The following MYO1D variants were observed in gnomAD, a reference collection of about 807,000 sequenced individuals.
MYO1D encodes myosin ID, also known as unconventional myosin-Id.
MYO1D carries 83 observed loss-of-function variants against 122.0 expected under a neutral mutation model. That is an observed-to-expected ratio of 0.68 (90% CI 0.57 to 0.82). The LOEUF (loss-of-function observed/expected upper bound fraction) is 0.82, where lower values mean the gene tolerates loss of function less well. Ranked by LOEUF, MYO1D falls within the 40% of genes least tolerant of loss-of-function variation. The pLI, the probability that MYO1D is intolerant of heterozygous loss-of-function variation, is 0.00. For missense variants in MYO1D, 1,157 were observed against 1,269.5 expected (o/e 0.91, Z 1.35); for synonymous variants, 464 against 446.9 (o/e 1.04, Z -0.48).
intron 21 of MYO1D, among the ~76,000 whole-genome samples, chr17:32,496,514 T>G (rs1597856123): frequency 1.3e-5 from 2 of 152,198 alleles, no homozygotes; most frequent in African/African-American, 4.8e-5. Context: ...CCTCTTCTAC[T>G]CTTGTGGGCA....
In MYO1D at chr17:32,721,009, G is replaced by A. The variant is rs1036831314; in HGVS notation, c.1913+14C>T. On this transcript the variant is annotated intron_variant, in intron 15 of 21. Transcript: ENST00000318217. The stretch of plus-strand genomic sequence containing the variant: ...TCTCAGTGAACTAGGCCTCTCTGAC[G>A]AGTCTATTCTCACCTGTGAAGAAAC... The A allele has an allele frequency of 4.4e-6, 7 of 1,609,166 alleles. No individual in the cohort carries two copies. Among genetic ancestry groups the A allele is most frequent in the Middle Eastern group, 1.7e-4 (1 of 6,034 alleles).
At chr17:32,691,430 G>A (rs2089098858) in intron 16 of MYO1D, among the ~76,000 whole-genome samples, 2 of 124,864 alleles carry the variant, frequency 1.6e-5, no homozygotes, top group African/African-American at 3.2e-5. Flanking sequence ...TTTTTGAGAT[G>A]GAGTCTTACT....
At chr17:32,679,581 G>A (rs940526837) in intron 16 of MYO1D, among the ~76,000 whole-genome samples, 247 of 152,148 alleles carry the variant, frequency 1.6e-3, no homozygotes, top group African/African-American at 5.5e-3. Context: ...GGTATGTGGC[G>A]TTATTTCTGA....
At chr17:32,581,813 T>C (rs1238762869) in intron 21 of MYO1D, among the ~76,000 whole-genome samples, 1 of 152,040 alleles carries the variant, frequency 6.6e-6, no homozygotes, top group Non-Finnish European at 1.5e-5. Flanking sequence ...TCACCCAGGC[T>C]GGAGTGTAGT....
chr17:32,511,605 C>CTTTTTTTTTT (rs5819985), intron 21 of MYO1D, among the ~76,000 whole-genome samples: 135 of 143,576 alleles, frequency 9.4e-4, no homozygotes, highest in African/African-American at 3.2e-3. Flanking sequence ...CTGTATTGAA[C>CTTTTTTTTTT]TTTTTTTTTT....
At chr17:32,654,858 A>G (rs1396221281) in intron 17 of MYO1D, among the ~76,000 whole-genome samples, 2 of 152,026 alleles carry the variant, frequency 1.3e-5, no homozygotes, top group Non-Finnish European at 2.9e-5. Context: ...TTGTATTTTT[A>G]TAAGAGATGG....
chr17:32,621,959 G>C (rs1028798428), intron 20 of MYO1D, among the ~76,000 whole-genome samples: 3 of 152,210 alleles, frequency 2.0e-5, no homozygotes, highest in Non-Finnish European at 4.4e-5. Context: ...CTGGCACCCT[G>C]ATCTTGGACT....
At chr17:32,519,545 G>A (rs1180772660) in intron 21 of MYO1D, among the ~76,000 whole-genome samples, 1 of 151,846 alleles carries the variant, frequency 6.6e-6, no homozygotes, top group Non-Finnish European at 1.5e-5. Flanking sequence ...CCCAGCGCCC[G>A]CGGCTGAAAC....
chr17:32,844,435 G>T (rs968471392), intron 1 of MYO1D, among the ~76,000 whole-genome samples: 12 of 146,704 alleles, frequency 8.2e-5, no homozygotes, highest in African/African-American at 2.5e-4. Flanking sequence ...TATATAATAT[G>T]TATATATATA....
At chr17:32,548,087 G>A (rs1042839153) in intron 21 of MYO1D, among the ~76,000 whole-genome samples, 1 of 152,002 alleles carries the variant, frequency 6.6e-6, no homozygotes, top group Non-Finnish European at 1.5e-5. Context: ...TTTCTTTCTG[G>A]GTTTGTCACC....
At chr17:32,792,321 GT>G (rs1282613983) in intron 1 of MYO1D, 1 of 152,192 alleles carries the variant, frequency 6.6e-6, no homozygotes, top group African/African-American at 2.4e-5. Flanking sequence ...GAGACTTTCT[GT>G]TTCATGGGTG....
chr17:32,748,803 A>G (rs2089867498), intron 12 of MYO1D, 133 bp downstream of exon 12: 1 of 836,882 alleles, frequency 1.2e-6, no homozygotes. Flanking sequence ...AGTTGAACAA[A>G]TTAAAATATA....
chr17:32,745,197 A>C lies in MYO1D; in HGVS notation c.1613+14T>G, dbSNP rs2151006742. ...AGCTTAATCTAGAGTTAATTAATAA[A>C]ATTTCAATCTTACCTGTTATACATA... On this transcript the variant is annotated intron_variant, in intron 13 of 21. Coordinates refer to ENST00000318217, the MANE Select transcript of MYO1D (RefSeq NM_015194.3). 7.3e-7 allele frequency: 1 copy of C among 1,378,526 alleles called. No individual in the cohort carries two copies. Among genetic ancestry groups the C allele is most frequent in the Admixed American group, 1.9e-5 (1 of 53,376 alleles). 85.4% of individuals were successfully genotyped at this position (1,378,526 alleles called of 1,614,324 possible).
At chr17:32,663,414 G>C (rs967493050) in intron 16 of MYO1D, among the ~76,000 whole-genome samples, 1 of 152,052 alleles carries the variant, frequency 6.6e-6, no homozygotes, top group South Asian at 2.1e-4. Context: ...ACCTTATCCA[G>C]TCATTCAGTT....
At chr17:32,819,734 C>A (rs141485680) in intron 1 of MYO1D, among the ~76,000 whole-genome samples, 1 of 152,104 alleles carries the variant, frequency 6.6e-6, no homozygotes, top group East Asian at 1.9e-4. Context: ...ATAATGGCTA[C>A]CATTTATGAA....
chr17:32,560,912 G>A (rs2087119257), intron 21 of MYO1D, among the ~76,000 whole-genome samples: 1 of 145,906 alleles, frequency 6.9e-6, no homozygotes, highest in South Asian at 2.2e-4. Flanking sequence ...GCCACTATGC[G>A]TGGCTTTTTT....
intron 14 of MYO1D, among the ~76,000 whole-genome samples, chr17:32,726,011 A>G (rs2089568166): frequency 1.3e-5 from 2 of 152,272 alleles, no homozygotes; most frequent in Admixed American, 1.3e-4. Flanking sequence ...TTCTTCAAGA[A>G]TGAAAACAGT....
At chr17:32,553,086 A>AAAAAACAAAAAAC (rs1567887490) in intron 21 of MYO1D, among the ~76,000 whole-genome samples, 1 of 134,334 alleles carries the variant, frequency 7.4e-6, no homozygotes, top group African/African-American at 3.3e-5. Context: ...ACAAAAAAAA[A>AAAAAACAAAAAAC]AAAACAAAAA....
intron 16 of MYO1D, among the ~76,000 whole-genome samples, chr17:32,686,853 T>C (rs866750655): frequency 6.6e-6 from 1 of 150,968 alleles, no homozygotes. Flanking sequence ...GTGATAAGAG[T>C]GAGACCCTGT....
Sources: gnomAD v4.1 joint callset for allele counts (sites outside exome capture counted in the v4.1 genomes callset) on GRCh38, gnomAD v4.1.1 for gene constraint, MANE v1.5 for transcripts, NCBI Gene and HGNC (gene_info 2026-07-23, HGNC 2026-07-21) for gene names.